The following CASP10 variants were observed in gnomAD, a reference collection of about 807,000 sequenced individuals.
CASP10 encodes caspase 10.
In CASP10, 41 loss-of-function variants were observed where a neutral mutation model predicts 48.5. The ratio of observed to expected loss-of-function variants is 0.85; its 90% confidence interval spans 0.66 to 1.10. CASP10 has a LOEUF of 1.10. Ranked by LOEUF, CASP10 falls within the 50% of genes least tolerant of loss-of-function variation. The pLI is 0.00. For synonymous variants in CASP10, 232 were observed against 238.4 expected (o/e 0.97, Z 0.25); for missense variants, 614 against 614.5 (o/e 1.00, Z 0.01).
chr2:201,214,145 G>T (rs1945493029), intron 9 of CASP10: 1 of 152,108 alleles, frequency 6.6e-6, no homozygotes, highest in Non-Finnish European at 1.5e-5. Flanking sequence ...TGCTCAGTGA[G>T]CCTAGGATAT....
chr2:201,218,625 T>C lies in CASP10; in HGVS notation c.*884T>C. On this transcript the variant is annotated 3_prime_UTR_variant, in exon 10 of 10. Transcript: ENST00000286186. ...CCTGGGGACCAGGTGCATTTTAAGGTTCCTTGGTGTTCAAAAACCACGTTC... is the reference window on the plus strand; with the variant it reads ...CCTGGGGACCAGGTGCATTTTAAGGCTCCTTGGTGTTCAAAAACCACGTTC... The C allele has an allele frequency of 1.0e-6, 1 of 985,402 alleles. No homozygotes were observed. The highest frequency in any genetic ancestry group is 1.2e-6 in the Non-Finnish European group (1 of 829,930). The allele number at this position is 985,402 out of a possible 1,614,324, so 61.0% of individuals were successfully genotyped here. A position where few individuals can be genotyped will look rare whatever the true frequency, so the allele number is the denominator to read the frequency against.
chr2:201,222,312 G>T (rs1458454442), downstream of CASP10, among the ~76,000 whole-genome samples: 1 of 151,628 alleles, frequency 6.6e-6, no homozygotes, highest in Non-Finnish European at 1.5e-5. Flanking sequence ...CGTCTCCTGG[G>T]TTCAAGCGAT....
chr2:201,215,024 C>T (rs1945523322), intron 9 of CASP10: 1 of 151,836 alleles, frequency 6.6e-6, no homozygotes, highest in Non-Finnish European at 1.5e-5. Context: ...TTTCTTATAC[C>T]TGTGGACCAT....
At chr2:201,184,046 C>A (rs375644531) in intron 1 of CASP10, among the ~76,000 whole-genome samples, 2 of 152,116 alleles carry the variant, frequency 1.3e-5, no homozygotes, top group African/African-American at 2.4e-5. Context: ...CAGGCATACA[C>A]CACCAAGCCC....
downstream of CASP10, among the ~76,000 whole-genome samples, chr2:201,222,201 T>G (rs2126066867): frequency 6.6e-6 from 1 of 151,456 alleles, no homozygotes; most frequent in South Asian, 2.1e-4. Flanking sequence ...CTCTTTCCCC[T>G]TCCTCTCTTT....
At chr2:201,200,476 C>A in intron 5 of CASP10, 1 of 1,598,262 alleles carries the variant, frequency 6.3e-7, no homozygotes. Context: ...TGAAGGAGAC[C>A]GTGGAAACTC....
Position 201,191,330 on chromosome 2 carries a change from C to T in CASP10, c.442-1654C>T, listed in dbSNP as rs770673133. On this transcript the variant is annotated intron_variant, in intron 3 of 9. Coordinates refer to ENST00000286186, the MANE Select transcript of CASP10 (RefSeq NM_032977.4). ...CTGTGGCATGGAATTGTGATATTAC[C>T]AGGTCAAATTCAGGAAAACCATATT... Among the ~76,000 whole-genome samples, 83 of 151,942 alleles carry T rather than the reference C, an allele frequency of 5.5e-4. 1 individual carries two copies. Among genetic ancestry groups the T allele is most frequent in the Non-Finnish European group, 1.5e-4 (10 of 68,014 alleles).
chr2:201,228,941 A>G (rs749037189), exon 10 of CASP10: 1 of 1,614,030 alleles, frequency 6.2e-7, no homozygotes, highest in African/African-American at 1.3e-5. Context: ...AGGATGCTGA[A>G]ATTTCTGGAA....
Position 201,221,377 on chromosome 2 carries a change from G to A in CASP10, c.*3636G>A, listed in dbSNP as rs958074769. 8.8e-6 allele frequency: 6 copies of A among 679,842 alleles called. No individual in the cohort carries two copies. Among genetic ancestry groups the A allele is most frequent in the Non-Finnish European group, 1.1e-5 (6 of 551,074 alleles). The allele number at this position is 679,842 out of a possible 1,614,324, so 42.1% of individuals were successfully genotyped here. A position where few individuals can be genotyped will look rare whatever the true frequency, so the allele number is the denominator to read the frequency against. On this transcript the variant is annotated 3_prime_UTR_variant, in exon 10 of 10. Coordinates refer to ENST00000286186, the MANE Select transcript of CASP10 (RefSeq NM_032977.4). The stretch of plus-strand genomic sequence containing the variant: ...CACATATATATCCAGATGGCCTGAA[G>A]TAACTGAAGAATCACAAAAGAAGTG...
intron 8 of CASP10, 111 bp downstream of exon 8, chr2:201,208,294 A>G: frequency 2.8e-6 from 4 of 1,451,176 alleles, no homozygotes; most frequent in Non-Finnish European, 2.7e-6. Flanking sequence ...TGTAAGGATG[A>G]TATCATGTTT....
At chr2:201,188,865 T>C (rs983132116) in intron 3 of CASP10, among the ~76,000 whole-genome samples, 5 of 151,382 alleles carry the variant, frequency 3.3e-5, no homozygotes. Flanking sequence ...AAAATGGAGA[T>C]ATTAGAATTT....
rs1470901519 is a variant in CASP10 at position 201,186,141 on chromosome 2, G to T, written c.347+17G>T. The T allele has an allele frequency of 1.3e-6, 2 of 1,571,972 alleles. No homozygotes were observed. The highest frequency in any genetic ancestry group is 2.7e-5 in the African/African-American group (2 of 74,052). On this transcript the variant is annotated intron_variant, in intron 2 of 9. Coordinates refer to ENST00000286186, the MANE Select transcript of CASP10 (RefSeq NM_032977.4). ...TCTGTTTAGGTGAGGACGGGTCTGT[G>T]GTGGAGATGGGAGGATCTCCCATCT...
At chr2:201,202,592 C>G (rs983876530) in intron 5 of CASP10, among the ~76,000 whole-genome samples, 1 of 152,216 alleles carries the variant, frequency 6.6e-6, no homozygotes, top group Non-Finnish European at 1.5e-5. Context: ...AGGCCCTTGT[C>G]TGCCTCTTAG....
chr2:201,200,441 A>T (rs759220062), intron 5 of CASP10: 1 of 1,598,156 alleles, frequency 6.3e-7, no homozygotes. Flanking sequence ...CTTTCTCCCC[A>T]GGAAGGTGTT....
chr2:201,187,788 A>G lies in CASP10; in HGVS notation c.430A>G (p.Lys144Glu). 2 of 1,613,444 alleles carry G rather than the reference A, an allele frequency of 1.2e-6. No homozygotes were observed. The highest frequency in any genetic ancestry group is 1.7e-6 in the Non-Finnish European group (2 of 1,179,360). ...MIFLLKDSLP[K>E]TEMTSLSFLA... Reference sequence around the variant, plus strand: ...CTTCCTTCTGAAAGACTCGCTTCCCAAAACTGAAATGGTGAGTGGGTCATA... The same window carrying G: ...CTTCCTTCTGAAAGACTCGCTTCCCGAAACTGAAATGGTGAGTGGGTCATA... The change falls in exon 3 of 10, where the codon AAA (lysine) becomes GAA (glutamate). Residue 144 changes from lysine to glutamate, a missense_variant. Physicochemically the swap from Lys to Glu is moderately conservative, Grantham distance 56 (BLOSUM62 1). Transcript: ENST00000286186.
At chr2:201,189,165 C>T (rs915461633) in intron 3 of CASP10, among the ~76,000 whole-genome samples, 67 of 152,118 alleles carry the variant, frequency 4.4e-4, no homozygotes, top group African/African-American at 1.5e-3. Flanking sequence ...AGCCACCATA[C>T]CCGGCCACAT....
rs139942824 is a variant in CASP10, at chr2:201,205,317, C to T, written c.722-565C>T. On this transcript the variant is annotated intron_variant, in intron 6 of 9. Transcript: ENST00000286186. ...ACAGCTCACTGCAGCCTTGACCCCT[C>T]GGACTCAGGTGATCCTCCCACCTCA... Among the ~76,000 whole-genome samples, 115 of 151,280 alleles carry T rather than the reference C, an allele frequency of 7.6e-4. No homozygotes were observed. The East Asian group carries it at 0.015, about 20-fold the overall frequency.
rs922484961 is a variant in CASP10 at position 201,220,641 on chromosome 2, C to T, written c.*2900C>T. 10 of 589,664 alleles carry T rather than the reference C, an allele frequency of 1.7e-5. No homozygotes were observed. Among genetic ancestry groups the T allele is most frequent in the Non-Finnish European group, 1.9e-5 (9 of 468,696 alleles). 36.5% of individuals were successfully genotyped at this position (589,664 alleles called of 1,614,324 possible). A position where few individuals can be genotyped will look rare whatever the true frequency, so the allele number is the denominator to read the frequency against. On this transcript the variant is annotated 3_prime_UTR_variant, in exon 10 of 10. Coordinates refer to ENST00000286186, the MANE Select transcript of CASP10 (RefSeq NM_032977.4). ...TAAGTGAGTGGGCTCTGACCTAACT[C>T]GGCCAGAAGCCCCTTTCAAATTTGT...
Position 201,193,095 on chromosome 2 carries a change from A to G in CASP10, c.553A>G (p.Ile185Val), listed in dbSNP as rs369231920. 1.2e-5 allele frequency: 19 copies of G among 1,613,786 alleles called. No homozygotes were observed. The African/African-American group carries it at 2.1e-4, about 18-fold the overall frequency. ...AGTTGTACCTAAACTTTTGAGAAAC[A>G]TAGAGAAATACAAAAGAGAGAAAGG... is the stretch of plus-strand genomic sequence containing the variant. ...KTVVPKLLRN[I>V]EKYKREKAIQ... The change falls in exon 4 of 10, where the codon ATA becomes GTA. Residue 185 changes from isoleucine to valine, a missense_variant. Coordinates refer to ENST00000286186, the MANE Select transcript of CASP10 (RefSeq NM_032977.4).
Sources: allele counts gnomAD v4.1 joint callset (sites outside exome capture counted in the v4.1 genomes callset), GRCh38; gene constraint gnomAD v4.1.1; transcripts MANE v1.5; gene names NCBI Gene and HGNC (gene_info 2026-07-23, HGNC 2026-07-21).